Variants in RBM33 observed in about 807,000 individuals in gnomAD.
The protein encoded by RBM33 is RNA binding motif protein 33, also known as RNA-binding protein 33.
A neutral mutation model predicts 132.6 loss-of-function variants in RBM33; 28 were observed. The observed-to-expected ratio is 0.21, with a 90% CI of 0.16 to 0.29. RBM33 has a LOEUF of 0.29. Ranked by LOEUF, RBM33 falls within the 10% of genes least tolerant of loss-of-function variation. The pLI is 1.00. For missense variants in RBM33, 1,291 were observed against 1,518.5 expected (o/e 0.85, Z 2.49); for synonymous variants, 634 against 593.0 (o/e 1.07, Z -1.01).
chr7:155,693,818 A>T (rs537950566), intron 5 of RBM33, among the ~76,000 whole-genome samples: 3 of 152,186 alleles, frequency 2.0e-5, no homozygotes, highest in African/African-American at 4.8e-5. Context: ...AAGTGCTGAG[A>T]AGTAGAAGTT....
intron 3 of RBM33, among the ~76,000 whole-genome samples, chr7:155,673,177 C>A (rs545259271): frequency 6.6e-6 from 1 of 151,184 alleles, no homozygotes; most frequent in African/African-American, 2.5e-5. Flanking sequence ...ATTGTGACAG[C>A]GTTAACATAG....
intron 4 of RBM33, 82 bp downstream of exon 4, chr7:155,678,766 A>G (rs1357927003): frequency 8.2e-6 from 6 of 731,522 alleles, no homozygotes; most frequent in Non-Finnish European, 1.4e-5. Flanking sequence ...AATGGAATGT[A>G]ATTGAATAAT....
intron 5 of RBM33, among the ~76,000 whole-genome samples, chr7:155,687,498 A>G (rs1026621955): frequency 1.3e-5 from 2 of 152,104 alleles, no homozygotes; most frequent in Non-Finnish European, 2.9e-5. Context: ...CCATTTGTCA[A>G]TTTTGGCTTT....
intron 6 of RBM33, chr7:155,701,283 T>A: frequency 2.4e-6 from 1 of 415,784 alleles, no homozygotes; most frequent in Non-Finnish European, 4.2e-6. Context: ...TGGGGCCAGG[T>A]TGACCCTTCC....
intron 14 of RBM33, among the ~76,000 whole-genome samples, chr7:155,759,829 T>C (rs1176755286): frequency 6.6e-6 from 1 of 152,196 alleles, no homozygotes; most frequent in African/African-American, 2.4e-5. Flanking sequence ...CTAGACCATC[T>C]TGTTTCAAGC....
chr7:155,756,695 G>A (rs755664382), intron 14 of RBM33, among the ~76,000 whole-genome samples: 1 of 152,122 alleles, frequency 6.6e-6, no homozygotes, highest in Non-Finnish European at 1.5e-5. Context: ...AGGAGAGGCC[G>A]AATGTCACTG....
In RBM33 at chr7:155,776,668, A is replaced by G. The variant is rs1802622817; in HGVS notation, c.*1627A>G. ...CCCAGGAAGCCACAGCGCTTGTAGG[A>G]TCTGCTAGGACCCTGCAGCTGTGCT... On this transcript the variant is annotated 3_prime_UTR_variant, in exon 18 of 18. Transcript: ENST00000401878. The surrounding 1 kb of genome is among the most constrained non-coding windows in gnomAD (Gnocchi z 4.0). The G allele has an allele frequency of 6.6e-6, 1 of 152,260 alleles. No individual in the cohort carries two copies. Among genetic ancestry groups the G allele is most frequent in the Admixed American group, 6.5e-5 (1 of 15,286 alleles). The allele number at this position is 152,260 out of a possible 1,614,324, so 9.4% of individuals were successfully genotyped here. A position where few individuals can be genotyped will look rare whatever the true frequency, so the allele number is the denominator to read the frequency against.
chr7:155,685,085 T>G, intron 5 of RBM33: 1 of 1,542,764 alleles, frequency 6.5e-7, no homozygotes, highest in Non-Finnish European at 8.7e-7. Context: ...GAGTAAAAAG[T>G]TTGCTGTTTC....
chr7:155,697,584 G>A (rs754313723), intron 5 of RBM33, among the ~76,000 whole-genome samples: 3 of 150,462 alleles, frequency 2.0e-5, no homozygotes, highest in South Asian at 2.1e-4. Flanking sequence ...ATATAGATTT[G>A]TGTGTGTGTG....
intron 1 of RBM33, among the ~76,000 whole-genome samples, chr7:155,649,795 A>ACAAAAC (rs773656352): frequency 1.3e-5 from 2 of 152,232 alleles, no homozygotes; most frequent in African/African-American, 2.4e-5. Flanking sequence ...TGCAAATAAA[A>ACAAAAC]CAAAACCAAA....
intron 5 of RBM33, among the ~76,000 whole-genome samples, chr7:155,697,332 GTACTTT>G (rs1799822719): frequency 6.6e-6 from 1 of 152,258 alleles, no homozygotes; most frequent in African/African-American, 2.4e-5. Flanking sequence ...GAGATTCCGT[GTACTTT>G]TACTTTTAAA....
At chr7:155,675,751 G>C (rs1001979661) in intron 3 of RBM33, among the ~76,000 whole-genome samples, 3 of 152,176 alleles carry the variant, frequency 2.0e-5, no homozygotes, top group Non-Finnish European at 4.4e-5. Context: ...TTTCTGTAAA[G>C]AGGAATTCTG....
intron 14 of RBM33, among the ~76,000 whole-genome samples, chr7:155,753,366 GT>G (rs1390119588): frequency 1.2e-4 from 18 of 152,244 alleles, no homozygotes; most frequent in Admixed American, 9.2e-4. Flanking sequence ...GTGGTAACTT[GT>G]TTGTGGTGAA....
intron 13 of RBM33, among the ~76,000 whole-genome samples, chr7:155,743,851 G>A (rs892299010): frequency 2.0e-5 from 3 of 152,142 alleles, no homozygotes; most frequent in Admixed American, 6.5e-5. Flanking sequence ...GTCCCCAGCC[G>A]TCTGCTTCCC....
At chr7:155,696,003 T>G (rs1563148232) in intron 5 of RBM33, among the ~76,000 whole-genome samples, 1 of 152,240 alleles carries the variant, frequency 6.6e-6, no homozygotes, top group Non-Finnish European at 1.5e-5. Context: ...CACCACTATT[T>G]GTTGTAATGA....
At chr7:155,665,658 C>T (rs1036293265) in intron 2 of RBM33, among the ~76,000 whole-genome samples, 1 of 151,654 alleles carries the variant, frequency 6.6e-6, no homozygotes, top group African/African-American at 2.4e-5. Flanking sequence ...CTAATTTTAA[C>T]TTTCATTTTC....
At chr7:155,673,040 CTG>C (rs1180952020) in intron 3 of RBM33, 125 bp downstream of exon 3, 2 of 532,072 alleles carry the variant, frequency 3.8e-6, no homozygotes, top group Non-Finnish European at 6.4e-6. Context: ...ATTTTGTAAA[CTG>C]AATTATTTTT....
At chr7:155,666,021 A>G (rs1200906899) in intron 2 of RBM33, among the ~76,000 whole-genome samples, 2 of 152,254 alleles carry the variant, frequency 1.3e-5, no homozygotes, top group African/African-American at 4.8e-5. Context: ...CTTGAGAACT[A>G]TGAGGCCCTT....
chr7:155,689,799 A>T (rs139636897), intron 5 of RBM33, among the ~76,000 whole-genome samples: 180 of 152,290 alleles, frequency 1.2e-3, no homozygotes, highest in African/African-American at 4.1e-3. Context: ...GAGTTTCTTA[A>T]TCCTAAGTTC....
Sources: allele counts gnomAD v4.1 joint callset (sites outside exome capture counted in the v4.1 genomes callset), GRCh38; gene constraint gnomAD v4.1.1; non-coding constraint Gnocchi (gnomAD v3.1); transcripts MANE v1.5; gene names NCBI Gene and HGNC (gene_info 2026-07-23, HGNC 2026-07-21).